The following TRPC4AP variants were observed in gnomAD, a reference collection of about 807,000 sequenced individuals.
TRPC4AP encodes short transient receptor potential channel 4-associated protein.
A neutral mutation model predicts 99.0 loss-of-function variants in TRPC4AP; 45 were observed. The ratio of observed to expected loss-of-function variants is 0.45; its 90% CI spans 0.36 to 0.58. The LOEUF (loss-of-function observed/expected upper bound fraction) is 0.58, where lower values mean the gene tolerates loss of function less well. Ranked by LOEUF, TRPC4AP falls within the 20% of genes least tolerant of loss-of-function variation. The pLI is 0.00. For synonymous variants in TRPC4AP, 408 were observed against 385.8 expected (o/e 1.06, Z -0.67); for missense variants, 879 against 985.3 (o/e 0.89, Z 1.44).
chr20:35,064,015 TCA>T (rs1486372283), intron 3 of TRPC4AP, among the ~76,000 whole-genome samples: 1 of 152,258 alleles, frequency 6.6e-6, no homozygotes. Context: ...AGACAGTTTT[TCA>T]CATTTTCCTT....
intron 3 of TRPC4AP, among the ~76,000 whole-genome samples, chr20:35,061,566 T>C (rs1405573713): frequency 6.6e-6 from 1 of 152,208 alleles, no homozygotes; most frequent in Non-Finnish European, 1.5e-5. Context: ...CCCGTGTCTA[T>C]GATCAGTTGA....
intron 5 of TRPC4AP, 71 bp downstream of exon 5, chr20:35,054,905 A>G: frequency 7.4e-7 from 1 of 1,349,882 alleles, no homozygotes; most frequent in Middle Eastern, 1.8e-4. Context: ...ATTCTACTCG[A>G]ATATTCCCAT....
chr20:35,076,007 T>C (rs1227881349), intron 2 of TRPC4AP, among the ~76,000 whole-genome samples: 4 of 152,226 alleles, frequency 2.6e-5, no homozygotes, highest in African/African-American at 7.2e-5. Context: ...TTTCATTCAT[T>C]TGATCTTCAA....
At chr20:35,007,468 T>A in intron 14 of TRPC4AP, 82 bp downstream of exon 14, 1 of 1,384,972 alleles carries the variant, frequency 7.2e-7, no homozygotes, top group Non-Finnish European at 1.0e-6. Flanking sequence ...CCTGATGAAC[T>A]GTTTGGGGCT....
intron 3 of TRPC4AP, among the ~76,000 whole-genome samples, chr20:35,065,496 CAA>C (rs1450971470): frequency 6.6e-6 from 1 of 152,114 alleles, no homozygotes; most frequent in Non-Finnish European, 1.5e-5. Context: ...GCAGCATGAC[CAA>C]GAGAGGCTTA....
chr20:35,004,564 T>C lies in TRPC4AP; in HGVS notation c.1943A>G (p.Glu648Gly), dbSNP rs1569075544. Residue 648 changes from glutamate to glycine, a missense_variant, in exon 17 of 19, where the codon GAG becomes GGG. By Grantham distance (98) the Glu-to-Gly change is moderately conservative. Transcript: ENST00000252015. ...GAGCAGGCGGCATTCAGACAGTACCTCGGCAACTGTGGAGGGAGGCAGGGG... is the reference window on the plus strand; with the variant it reads ...GAGCAGGCGGCATTCAGACAGTACCCCGGCAACTGTGGAGGGAGGCAGGGG... ...FENQVDMKVA[E>G]VLSECRLLAY... 1 of 1,613,520 alleles carries C rather than the reference T, an allele frequency of 6.2e-7. No individual in the cohort carries two copies. The highest frequency in any genetic ancestry group is 2.2e-5 in the East Asian group (1 of 44,862).
In TRPC4AP at chr20:35,078,068, A is replaced by G. The variant is rs137879852; in HGVS notation, c.275T>C (p.Val92Ala). ...TACCTTGAGGATGTTTTGACACTCA[A>G]CAAAGTCACTGTGGAGGTGGCTGGT... ...HTTSHLHSDF[V>A]ECQNILKEIS... The change falls in exon 2 of 19, where the codon GTT (valine) becomes GCT (alanine). Residue 92 changes from valine to alanine, a missense_variant. Coordinates refer to ENST00000252015, the MANE Select transcript of TRPC4AP (RefSeq NM_015638.3). The G allele has an allele frequency of 4.3e-6, 7 of 1,613,694 alleles. No individual in the cohort carries two copies. Among genetic ancestry groups the G allele is most frequent in the African/African-American group, 2.7e-5 (2 of 74,932 alleles).
chr20:35,027,822 T>A (rs1020830581), intron 8 of TRPC4AP, among the ~76,000 whole-genome samples: 1 of 152,210 alleles, frequency 6.6e-6, no homozygotes, highest in Non-Finnish European at 1.5e-5. Context: ...CTTAGAGTCC[T>A]CTTACTTTCT....
chr20:35,058,007 A>G (rs2083882619), intron 3 of TRPC4AP, among the ~76,000 whole-genome samples: 2 of 152,206 alleles, frequency 1.3e-5, no homozygotes, highest in Non-Finnish European at 2.9e-5. Flanking sequence ...TTTTTATTTT[A>G]CATACTTTAA....
At chr20:35,046,377 GA>G (rs1807732422) in intron 6 of TRPC4AP, among the ~76,000 whole-genome samples, 1 of 152,164 alleles carries the variant, frequency 6.6e-6, no homozygotes, top group Non-Finnish European at 1.5e-5. Context: ...GTGCTACTCA[GA>G]TAACACCTGC....
chr20:35,078,838 G>A (rs1322764028), intron 1 of TRPC4AP, among the ~76,000 whole-genome samples: 2 of 152,348 alleles, frequency 1.3e-5, no homozygotes, highest in East Asian at 1.9e-4. Context: ...AGCCGAGGCA[G>A]GTGGATCACC....
chr20:35,087,308 C>T (rs180821442), intron 1 of TRPC4AP, among the ~76,000 whole-genome samples: 103 of 146,066 alleles, frequency 7.1e-4, no homozygotes, highest in Non-Finnish European at 2.8e-4. Flanking sequence ...CATTGCCCTC[C>T]AGCCTGGGCA....
intron 1 of TRPC4AP, among the ~76,000 whole-genome samples, chr20:35,083,376 G>C (rs1406122571): frequency 6.6e-6 from 1 of 151,848 alleles, no homozygotes; most frequent in Non-Finnish European, 1.5e-5. Context: ...AAGGTGGGCA[G>C]ATCACCTGAG....
chr20:35,036,320 G>T (rs944309186), intron 7 of TRPC4AP, among the ~76,000 whole-genome samples: 1 of 152,174 alleles, frequency 6.6e-6, no homozygotes, highest in African/African-American at 2.4e-5. Context: ...CCATAAGATG[G>T]AAACAGCCAA....
At chr20:35,065,904 T>C (rs2084131909) in intron 3 of TRPC4AP, among the ~76,000 whole-genome samples, 2 of 152,160 alleles carry the variant, frequency 1.3e-5, no homozygotes, top group African/African-American at 4.8e-5. Flanking sequence ...AAAGGGTCTC[T>C]TGAGCTAGCC....
At chr20:35,070,244 C>A (rs184168481) in intron 2 of TRPC4AP, among the ~76,000 whole-genome samples, 3 of 152,066 alleles carry the variant, frequency 2.0e-5, no homozygotes, top group Admixed American at 6.6e-5. Context: ...TGCTAGGTTT[C>A]GGGGTGACTA....
intron 13 of TRPC4AP, 109 bp downstream of exon 13, chr20:35,008,555 G>T: frequency 1.1e-6 from 1 of 894,392 alleles, no homozygotes. Context: ...CAGTAATTGT[G>T]CTTCAGGAGG....
At chr20:35,003,308 G>A in intron 18 of TRPC4AP, 25 bp from the exon 19 acceptor site, 3 of 1,613,902 alleles carry the variant, frequency 1.9e-6, no homozygotes, top group Non-Finnish European at 2.5e-6. Flanking sequence ...AGGGGCTGGG[G>A]GGCGCCTGGA....
intron 2 of TRPC4AP, among the ~76,000 whole-genome samples, chr20:35,070,369 T>C (rs1452071000): frequency 1.3e-5 from 2 of 152,106 alleles, no homozygotes; most frequent in Non-Finnish European, 2.9e-5. Context: ...TACAACTCAT[T>C]TGTAACATTT....
Sources: allele counts gnomAD v4.1 joint callset (sites outside exome capture counted in the v4.1 genomes callset), GRCh38; gene constraint gnomAD v4.1.1; transcripts MANE v1.5; gene names NCBI Gene and HGNC (gene_info 2026-07-23, HGNC 2026-07-21).